CHCHD3: variants seen among roughly 807,000 people sequenced by gnomAD.
CHCHD3 encodes MICOS complex subunit MIC19.
Under a neutral mutation model 38.2 loss-of-function variants are expected in CHCHD3, and 20 were observed. The ratio of observed to expected loss-of-function variants is 0.52; its 90% CI spans 0.37 to 0.76. CHCHD3 has a LOEUF of 0.76. Among genes scored for constraint, CHCHD3 ranks in the 30% least tolerant of loss-of-function variants. The pLI is 0.00. For missense variants in CHCHD3, 245 were observed against 279.2 expected (o/e 0.88, Z 0.87); for synonymous variants, 82 against 100.0 (o/e 0.82, Z 1.07).
chr7:133,000,336 C>T (rs1446545172), intron 3 of CHCHD3, among the ~76,000 whole-genome samples: 2 of 152,118 alleles, frequency 1.3e-5, no homozygotes, highest in East Asian at 3.8e-4. Context: ...TTAGACTTTT[C>T]TCAAGTATGA....
chr7:132,806,859 G>A (rs1415049016), intron 6 of CHCHD3, among the ~76,000 whole-genome samples: 3 of 152,188 alleles, frequency 2.0e-5, no homozygotes, highest in African/African-American at 4.8e-5. Flanking sequence ...TGTGAAAAGA[G>A]TGAGTTTTCA....
intron 5 of CHCHD3, among the ~76,000 whole-genome samples, chr7:132,880,059 A>G (rs144354662): frequency 2.0e-5 from 3 of 152,298 alleles, no homozygotes; most frequent in Non-Finnish European, 4.4e-5. Flanking sequence ...GGTAGCATTA[A>G]TCAAATCATA....
chr7:132,874,343 C>T (rs1270449394), intron 5 of CHCHD3, among the ~76,000 whole-genome samples: 1 of 152,164 alleles, frequency 6.6e-6, no homozygotes, highest in Non-Finnish European at 1.5e-5. Flanking sequence ...GCACTTTCTA[C>T]GCTATGTAAG....
intron 5 of CHCHD3, among the ~76,000 whole-genome samples, chr7:132,858,170 C>T (rs1017879668): frequency 6.6e-6 from 1 of 152,098 alleles, no homozygotes; most frequent in South Asian, 2.1e-4. Context: ...TCAAGCAATT[C>T]GCCTGCCTCA....
At chr7:132,926,672 G>A (rs537564138) in intron 4 of CHCHD3, among the ~76,000 whole-genome samples, 1 of 152,262 alleles carries the variant, frequency 6.6e-6, no homozygotes, top group Admixed American at 6.5e-5. Context: ...GTCCACAGAT[G>A]CTCAAGTCCC....
At chr7:132,967,662 T>G (rs1051685829) in intron 4 of CHCHD3, among the ~76,000 whole-genome samples, 2 of 136,304 alleles carry the variant, frequency 1.5e-5, no homozygotes, top group African/African-American at 5.7e-5. Context: ...AATAAATAAA[T>G]AAATAAAATA....
intron 4 of CHCHD3, among the ~76,000 whole-genome samples, chr7:132,902,292 A>C (rs1366488984): frequency 3.3e-5 from 5 of 152,192 alleles, no homozygotes. Context: ...TAGAAATACC[A>C]TTTGACCCAG....
intron 3 of CHCHD3, among the ~76,000 whole-genome samples, chr7:133,019,027 G>T (rs895437880): frequency 2.0e-5 from 3 of 151,886 alleles, no homozygotes; most frequent in African/African-American, 4.8e-5. Context: ...GGGATTACAG[G>T]CTTGTGCCAC....
intron 3 of CHCHD3, among the ~76,000 whole-genome samples, chr7:133,016,549 A>C (rs1484059713): frequency 2.0e-5 from 3 of 152,252 alleles, no homozygotes; most frequent in Non-Finnish European, 4.4e-5. Context: ...AGTTTGCTCC[A>C]ACCAAGAAAA....
chr7:132,926,601 TA>T lies in CHCHD3; in HGVS notation c.370-40857del, dbSNP rs202187578. On this transcript the variant is annotated intron_variant, in intron 4 of 7. Coordinates refer to ENST00000262570, the MANE Select transcript of CHCHD3 (RefSeq NM_017812.4). ...TGCATTCTGTAAGCTGCACTTTTGA[TA>T]TATAGTCATCCCCTGGTATCTGCAG... Among the ~76,000 whole-genome samples the T allele has an allele frequency of 6.5e-3, 991 of 152,286 alleles. 11 individuals are homozygous for T. The highest frequency in any genetic ancestry group is 0.022 in the African/African-American group (920 of 41,554).
At chr7:132,815,597 G>C in intron 6 of CHCHD3, 1 of 456,278 alleles carries the variant, frequency 2.2e-6, no homozygotes, top group Non-Finnish European at 4.4e-6. Flanking sequence ...AAAATAAAGA[G>C]TCCTGTTTTG....
chr7:132,909,049 T>C (rs1238112223), intron 4 of CHCHD3, among the ~76,000 whole-genome samples: 1 of 151,986 alleles, frequency 6.6e-6, no homozygotes, highest in Non-Finnish European at 1.5e-5. Flanking sequence ...GATCTGATGG[T>C]TTTATAAGAG....
intron 5 of CHCHD3, among the ~76,000 whole-genome samples, chr7:132,871,214 G>C (rs1808760173): frequency 6.6e-6 from 1 of 152,054 alleles, no homozygotes; most frequent in Non-Finnish European, 1.5e-5. Flanking sequence ...CCTCTATTTA[G>C]ACTAAAATAT....
chr7:132,894,664 C>G (rs1352731008), intron 4 of CHCHD3, among the ~76,000 whole-genome samples: 1 of 152,166 alleles, frequency 6.6e-6, no homozygotes, highest in Non-Finnish European at 1.5e-5. Flanking sequence ...GTACTTTCCA[C>G]AAGGAAACAC....
intron 4 of CHCHD3, among the ~76,000 whole-genome samples, chr7:132,898,161 A>T (rs927049178): frequency 6.6e-6 from 1 of 152,128 alleles, no homozygotes; most frequent in African/African-American, 2.4e-5. Context: ...CCAAAGAGTG[A>T]GCAGTAGCAA....
chr7:132,850,747 C>T (rs1401590142), intron 5 of CHCHD3, among the ~76,000 whole-genome samples: 2 of 152,050 alleles, frequency 1.3e-5, no homozygotes, highest in East Asian at 1.9e-4. Flanking sequence ...TGAAACTTAA[C>T]GTTATCATGA....
chr7:133,024,896 G>A (rs1211364596), intron 2 of CHCHD3, among the ~76,000 whole-genome samples: 1 of 152,144 alleles, frequency 6.6e-6, no homozygotes, highest in Non-Finnish European at 1.5e-5. Context: ...CTGTACAGTG[G>A]GGACTGAGTC....
chr7:132,995,698 T>C (rs1758467838), intron 3 of CHCHD3, among the ~76,000 whole-genome samples: 1 of 152,220 alleles, frequency 6.6e-6, no homozygotes, highest in South Asian at 2.1e-4. Context: ...TTAAGGTGTC[T>C]ACAATAACAT....
intron 6 of CHCHD3, among the ~76,000 whole-genome samples, chr7:132,832,867 A>G (rs916187383): frequency 3.3e-5 from 5 of 152,194 alleles, no homozygotes; most frequent in South Asian, 2.1e-4. Context: ...CTTACATGCT[A>G]TTCTATCATG....
Sources: gnomAD v4.1 joint callset for allele counts (sites outside exome capture counted in the v4.1 genomes callset) on GRCh38, gnomAD v4.1.1 for gene constraint, MANE v1.5 for transcripts, NCBI Gene and HGNC (gene_info 2026-07-23, HGNC 2026-07-21) for gene names.